GNA11: variants seen among roughly 807,000 people sequenced by gnomAD.
GNA11 encodes the protein guanine nucleotide-binding protein subunit alpha-11.
Under a neutral mutation model 38.2 loss-of-function variants are expected in GNA11, and 8 were observed. The observed-to-expected ratio is 0.21, with a 90% CI of 0.12 to 0.38. The LOEUF (loss-of-function observed/expected upper bound fraction) is 0.38. Among genes scored for constraint, GNA11 ranks in the 10% least tolerant of loss-of-function variants. The probability of loss-of-function intolerance (pLI) is 1.00; values close to 1 mark genes in which losing one functional copy is unlikely to be tolerated. For missense variants in GNA11, 268 were observed against 516.3 expected (o/e 0.52, Z 4.66); for synonymous variants, 211 against 221.4 (o/e 0.95, Z 0.42).
chr19:3,122,947 C>G lies in GNA11; in HGVS notation c.*1768C>G, dbSNP rs2240565. ...GGGGAGACGGGGCTGGCGGGATACC[C>G]CCCCCCCGGCTTCCCCACACCACTT... On this transcript the variant is annotated 3_prime_UTR_variant, in exon 7 of 7. Coordinates refer to ENST00000078429, the MANE Select transcript of GNA11 (RefSeq NM_002067.5). The surrounding 1 kb of genome is among the most constrained non-coding windows in gnomAD (Gnocchi z 7.7). 0.41 allele frequency: 94,886 copies of G among 233,134 alleles called. 21,024 individuals are homozygous for G. The highest frequency in any genetic ancestry group is 0.49 in the Non-Finnish European group (57,820 of 118,112). 14.4% of individuals were successfully genotyped at this position (233,134 alleles called of 1,614,324 possible). A position where few individuals can be genotyped will look rare whatever the true frequency, so the allele number is the denominator to read the frequency against.
intron 4 of GNA11, among the ~76,000 whole-genome samples, chr19:3,116,623 C>T (rs549945855): frequency 3.3e-5 from 5 of 152,372 alleles, no homozygotes; most frequent in African/African-American, 1.2e-4. Flanking sequence ...TAACCAGTGA[C>T]ATCCGCACAG....
rs868706559 is a variant in GNA11, at chr19:3,123,362, A to G, written c.*2183A>G. On this transcript the variant is annotated 3_prime_UTR_variant, in exon 7 of 7. Coordinates refer to ENST00000078429, the MANE Select transcript of GNA11 (RefSeq NM_002067.5). The stretch of plus-strand genomic sequence containing the variant: ...TGAGTGCCTGATCCCCTGCCCCCCA[A>G]AAAAGCAGAGGTAGGTGTTGCAGGC... The G allele has an allele frequency of 8.6e-6, 2 of 233,236 alleles. No homozygotes were observed. Among genetic ancestry groups the G allele is most frequent in the Non-Finnish European group, 1.7e-5 (2 of 118,150 alleles). The allele number at this position is 233,236 out of a possible 1,614,324, so 14.4% of individuals were successfully genotyped here.
At chr19:3,111,878 G>A (rs761320248) in intron 2 of GNA11, among the ~76,000 whole-genome samples, 1 of 152,218 alleles carries the variant, frequency 6.6e-6, no homozygotes, top group Non-Finnish European at 1.5e-5. Context: ...TCAGGGGTAG[G>A]GCTCTTGCCC....
At chr19:3,102,673 A>G (rs1181340419) in intron 1 of GNA11, among the ~76,000 whole-genome samples, 2 of 151,674 alleles carry the variant, frequency 1.3e-5, no homozygotes, top group Non-Finnish European at 2.9e-5. Context: ...GGTGCTGTCT[A>G]CCTCCTGGGG....
At chr19:3,109,865 C>T (rs968017110) in intron 1 of GNA11, among the ~76,000 whole-genome samples, 5 of 152,164 alleles carry the variant, frequency 3.3e-5, no homozygotes, top group African/African-American at 4.8e-5. Context: ...TGGTCTTTGA[C>T]GTAAATACCA....
intron 1 of GNA11, among the ~76,000 whole-genome samples, chr19:3,102,896 G>C (rs78710092): frequency 0.041 from 6,204 of 152,316 alleles, 435 homozygotes; most frequent in Admixed American, 0.18. Context: ...ATGCACACGC[G>C]TGGGCTGCCA....
chr19:3,116,963 C>T (rs544593999), intron 4 of GNA11, among the ~76,000 whole-genome samples: 1 of 152,274 alleles, frequency 6.6e-6, no homozygotes, highest in South Asian at 2.1e-4. Flanking sequence ...CCCAGCTCGG[C>T]CTCCCAGCGC....
At chr19:3,104,252 C>T (rs1375145130) in intron 1 of GNA11, among the ~76,000 whole-genome samples, 3 of 152,390 alleles carry the variant, frequency 2.0e-5, no homozygotes, top group East Asian at 3.9e-4. Context: ...GGACTTCGTT[C>T]CTCCTGGTTG....
At chr19:3,106,270 G>A (rs912077005) in intron 1 of GNA11, among the ~76,000 whole-genome samples, 3 of 152,152 alleles carry the variant, frequency 2.0e-5, no homozygotes, top group Non-Finnish European at 2.9e-5. Context: ...TCAGACATTG[G>A]GTCCACTGTG....
rs879191762 is a variant in GNA11 at position 3,094,600 on chromosome 19, G to C, written c.-52G>C. 86 of 957,910 alleles carry C rather than the reference G, an allele frequency of 9.0e-5. 1 individual carries two copies. The South Asian group carries it at 3.6e-3, about 40-fold the overall frequency. The allele number at this position is 957,910 out of a possible 1,614,324, so 59.3% of individuals were successfully genotyped here. A position where few individuals can be genotyped will look rare whatever the true frequency, so the allele number is the denominator to read the frequency against. On this transcript the variant is annotated 5_prime_UTR_variant, in exon 1 of 7. Transcript: ENST00000078429. The surrounding 1 kb of genome is among the most constrained non-coding windows in gnomAD (Gnocchi z 6.0). ...GGCGGCTCCGGCCAGGGCCGGGCCG[G>C]GGGCCGGGGGGCGGCGGCGGGCAGG...
chr19:3,098,000 G>A (rs1008538108), intron 1 of GNA11, among the ~76,000 whole-genome samples: 2 of 152,240 alleles, frequency 1.3e-5, no homozygotes, highest in East Asian at 1.9e-4. Flanking sequence ...GTGTGGTAGC[G>A]TACAACGTAA....
At chr19:3,105,232 T>C (rs558234020) in intron 1 of GNA11, among the ~76,000 whole-genome samples, 61 of 152,320 alleles carry the variant, frequency 4.0e-4, no homozygotes, top group African/African-American at 1.4e-3. Flanking sequence ...CCTGGCTGGA[T>C]CCCTGGCTTC....
chr19:3,098,346 C>T (rs1913423315), intron 1 of GNA11, among the ~76,000 whole-genome samples: 1 of 152,236 alleles, frequency 6.6e-6, no homozygotes. Context: ...TCTTGCAGGC[C>T]CTGCCAGCAG....
chr19:3,121,454 T>TAA lies in GNA11; in HGVS notation c.*290_*291dup, dbSNP rs767868573. On this transcript the variant is annotated 3_prime_UTR_variant, in exon 7 of 7. Transcript: ENST00000078429. ...CCTTGACTTATGGCTCGCTTTTTTC[T>TAA]AAAAAAAAAAAAAAAAGAAAGAAAG... is the stretch of plus-strand genomic sequence containing the variant. 8,957 of 195,148 alleles carry TAA rather than the reference T, an allele frequency of 0.046. 436 individuals are homozygous for TAA. The highest frequency in any genetic ancestry group is 0.19 in the Admixed American group (2,570 of 13,570). 12.1% of individuals were successfully genotyped at this position (195,148 alleles called of 1,614,324 possible).
chr19:3,107,479 C>T (rs1913666359), intron 1 of GNA11, among the ~76,000 whole-genome samples: 1 of 152,236 alleles, frequency 6.6e-6, no homozygotes, highest in Non-Finnish European at 1.5e-5. Flanking sequence ...CGCCTCCTGC[C>T]TGCAGCATGG....
chr19:3,113,590 C>T (rs1003844425), intron 3 of GNA11, 106 bp downstream of exon 3: 8 of 845,908 alleles, frequency 9.5e-6, no homozygotes, highest in African/African-American at 5.3e-5. Context: ...CCTGCCTGCT[C>T]GCCGGGGGCA....
In GNA11 at chr19:3,123,501, C is replaced by A. The variant is rs1914139901; in HGVS notation, c.*2322C>A. 1 of 233,228 alleles carries A rather than the reference C, an allele frequency of 4.3e-6. No homozygotes were observed. Among genetic ancestry groups the A allele is most frequent in the African/African-American group, 2.2e-5 (1 of 45,370 alleles). 14.4% of individuals were successfully genotyped at this position (233,228 alleles called of 1,614,324 possible). On this transcript the variant is annotated 3_prime_UTR_variant, in exon 7 of 7. Transcript: ENST00000078429. ...CTTGCCACGTGTGGGGCCACGTGGG[C>A]ATGTGGGGTGTGTGTTTTTACCTTG...
At chr19:3,107,139 G>A (rs899090820) in intron 1 of GNA11, among the ~76,000 whole-genome samples, 3 of 148,962 alleles carry the variant, frequency 2.0e-5, no homozygotes, top group African/African-American at 7.5e-5. Flanking sequence ...GGGAGGCTGA[G>A]GCAGGAGAAA....
rs1256504087 is a variant in GNA11, at chr19:3,121,803, TC to T, written c.*627del. 3 of 165,474 alleles carry T rather than the reference TC, an allele frequency of 1.8e-5. No homozygotes were observed. The highest frequency in any genetic ancestry group is 3.9e-5 in the Non-Finnish European group (3 of 76,890). The allele number at this position is 165,474 out of a possible 1,614,324, so 10.3% of individuals were successfully genotyped here. A position where few individuals can be genotyped will look rare whatever the true frequency, so the allele number is the denominator to read the frequency against. On this transcript the variant is annotated 3_prime_UTR_variant, in exon 7 of 7. Transcript: ENST00000078429. ...GACTCCTGAAGAGGGGGTGGGGGGCTCCCTCGGTCGCCCACCCTGGGAAGTG... is the reference window on the plus strand; with the variant it reads ...GACTCCTGAAGAGGGGGTGGGGGGCTCCTCGGTCGCCCACCCTGGGAAGTG...
Sources: allele counts gnomAD v4.1 joint callset (sites outside exome capture counted in the v4.1 genomes callset), GRCh38; gene constraint gnomAD v4.1.1; non-coding constraint Gnocchi (gnomAD v3.1); transcripts MANE v1.5; gene names NCBI Gene and HGNC (gene_info 2026-07-23, HGNC 2026-07-21).